The following ROBO2 variants were observed in gnomAD, a reference collection of about 807,000 sequenced individuals.
ROBO2 encodes roundabout homolog 2.
Under a neutral mutation model 160.8 loss-of-function variants are expected in ROBO2, and 53 were observed. The observed-to-expected ratio is 0.33, with a 90% CI of 0.26 to 0.41. The LOEUF is 0.41. Ranked by LOEUF, ROBO2 falls within the 10% of genes least tolerant of loss-of-function variation. ROBO2 has a pLI of 1.00. For synonymous variants in ROBO2, 664 were observed against 611.7 expected, an observed-to-expected ratio of 1.09 and a Z score of -1.26; for missense variants, 1,577 against 1,722.4, an observed-to-expected ratio of 0.92 and a Z score of 1.49.
chr3:76,599,168 C>A (rs1014424876), intron 2 of ROBO2, among the ~76,000 whole-genome samples: 1 of 152,134 alleles, frequency 6.6e-6, no homozygotes, highest in Non-Finnish European at 1.5e-5. Context: ...TATTTCATCA[C>A]CCATGTACTA....
chr3:76,797,185 C>A (rs921139208), intron 2 of ROBO2, among the ~76,000 whole-genome samples: 1 of 152,042 alleles, frequency 6.6e-6, no homozygotes, highest in South Asian at 2.1e-4. Flanking sequence ...CAAGAACAGA[C>A]CTTACATTAG....
At chr3:76,721,117 C>T (rs1332442495) in intron 2 of ROBO2, among the ~76,000 whole-genome samples, 1 of 152,118 alleles carries the variant, frequency 6.6e-6, no homozygotes, top group Non-Finnish European at 1.5e-5. Context: ...ACCTGTAGTA[C>T]AAATTATCAC....
intron 1 of ROBO2, among the ~76,000 whole-genome samples, chr3:75,923,733 TAA>T (rs1576155376): frequency 1.3e-5 from 2 of 152,148 alleles, no homozygotes; most frequent in East Asian, 3.9e-4. Flanking sequence ...AAATAGGACT[TAA>T]TATAAACAGT....
rs927820382 is a variant in ROBO2, at chr3:77,013,898, A to G, written c.110-84116A>G. Among the ~76,000 whole-genome samples the G allele has an allele frequency of 2.0e-5, 3 of 152,260 alleles. No homozygotes were observed. In the East Asian group the frequency reaches 5.8e-4, roughly 29 times the overall value. ...TTAACTTCCTTTTAGTGAGGTCTGT[A>G]CAAATACTTTCAAAATCATTACAGT... On this transcript the variant is annotated intron_variant, in intron 2 of 26. Coordinates refer to the ROBO2 transcript ENST00000487694.
In ROBO2 at chr3:76,829,976, A is replaced by G. The variant is rs959015730; in HGVS notation, c.110-268038A>G. The stretch of plus-strand genomic sequence containing the variant: ...AGCCACCGTACCCAGCCTAGATGCT[A>G]TGTTTTTTAAGGCACCATCTTCAGC... On this transcript the variant is annotated intron_variant, in intron 2 of 26. Coordinates refer to the ROBO2 transcript ENST00000487694. Among the ~76,000 whole-genome samples, 3 of 152,122 alleles carry G rather than the reference A, an allele frequency of 2.0e-5. No homozygotes were observed. In the South Asian group the frequency reaches 6.2e-4, roughly 31 times the overall value.
In ROBO2 at chr3:76,111,694, C is replaced by G. The variant is rs1373141955; in HGVS notation, c.109+174092C>G. Among the ~76,000 whole-genome samples, 4 of 152,060 alleles carry G rather than the reference C, an allele frequency of 2.6e-5. No individual in the cohort carries two copies. In the East Asian group the frequency reaches 5.8e-4, roughly 22 times the overall value. The stretch of plus-strand genomic sequence containing the variant: ...AATATAGCTGTCCTGAAGAGACCCT[C>G]CATGAGACTCTACTCTGCTGTTACC... On this transcript the variant is annotated intron_variant, in intron 2 of 26. Transcript: ENST00000487694.
intron 2 of ROBO2, among the ~76,000 whole-genome samples, chr3:76,095,749 GACACACACACACACACACACACAC>G (rs59290141): frequency 2.7e-5 from 4 of 148,052 alleles, no homozygotes; most frequent in Admixed American, 6.8e-5. Flanking sequence ...TAGTATGCTT[GACACACACACACACACACACACAC>G]ACACACACAC....
At chr3:76,954,899 G>A (rs1343552476) in intron 2 of ROBO2, among the ~76,000 whole-genome samples, 1 of 152,096 alleles carries the variant, frequency 6.6e-6, no homozygotes, top group African/African-American at 2.4e-5. Context: ...ATCATTTTAA[G>A]TGTACAATAC....
At chr3:77,392,996 A>G (rs1225299368) in intron 2 of ROBO2, among the ~76,000 whole-genome samples, 2 of 152,108 alleles carry the variant, frequency 1.3e-5, no homozygotes, top group Non-Finnish European at 2.9e-5. Flanking sequence ...GAAGACTGTA[A>G]TCACATTTTA....
At chr3:75,992,720 C>T (rs987456603) in intron 2 of ROBO2, among the ~76,000 whole-genome samples, 3 of 152,168 alleles carry the variant, frequency 2.0e-5, no homozygotes, top group African/African-American at 7.2e-5. Flanking sequence ...GGAAAAGCCA[C>T]AGGCACTCAA....
chr3:77,381,762 C>A (rs1457256244), intron 2 of ROBO2, among the ~76,000 whole-genome samples: 3 of 152,206 alleles, frequency 2.0e-5, no homozygotes, highest in African/African-American at 7.2e-5. Flanking sequence ...CATATATCCA[C>A]ATATGTGAGC....
intron 2 of ROBO2, among the ~76,000 whole-genome samples, chr3:77,190,766 G>A (rs1281987976): frequency 7.9e-5 from 12 of 151,990 alleles, no homozygotes; most frequent in Non-Finnish European, 1.5e-5. Context: ...GGTCTATGAG[G>A]AATGTGAAGT....
chr3:75,970,328 G>A (rs1403734779), intron 2 of ROBO2, among the ~76,000 whole-genome samples: 2 of 151,528 alleles, frequency 1.3e-5, no homozygotes, highest in East Asian at 2.0e-4. Flanking sequence ...TAAGGAGCAA[G>A]CACATTTTTG....
chr3:75,919,397 G>A (rs748403672), intron 1 of ROBO2, among the ~76,000 whole-genome samples: 12 of 152,116 alleles, frequency 7.9e-5, no homozygotes, highest in African/African-American at 2.7e-4. Flanking sequence ...CAACTTGATC[G>A]TGGTGGATAA....
At chr3:76,156,783 A>G (rs1328833449) in intron 2 of ROBO2, among the ~76,000 whole-genome samples, 4 of 152,220 alleles carry the variant, frequency 2.6e-5, no homozygotes, top group Non-Finnish European at 4.4e-5. Context: ...GCCTGCCAAC[A>G]TGGTGAAACC....
intron 6 of ROBO2, among the ~76,000 whole-genome samples, chr3:77,532,740 T>C (rs920803763): frequency 6.6e-6 from 1 of 151,882 alleles, no homozygotes; most frequent in African/African-American, 2.4e-5. Flanking sequence ...TTTTTTGTTA[T>C]TTTCTTGTTA....
intron 2 of ROBO2, among the ~76,000 whole-genome samples, chr3:76,643,422 G>A (rs371986874): frequency 1.6e-4 from 24 of 152,196 alleles, no homozygotes; most frequent in African/African-American, 2.9e-4. Context: ...AAGAAATATC[G>A]TTTTTGATGA....
chr3:76,118,350 C>T (rs1015559188), intron 2 of ROBO2, among the ~76,000 whole-genome samples: 2 of 152,160 alleles, frequency 1.3e-5, no homozygotes, highest in South Asian at 2.1e-4. Context: ...ATGTGTCCAA[C>T]TGTTATCTGT....
At chr3:77,218,056 G>A (rs1041007986) in intron 2 of ROBO2, among the ~76,000 whole-genome samples, 1 of 152,122 alleles carries the variant, frequency 6.6e-6, no homozygotes, top group Admixed American at 6.5e-5. Context: ...AAATCTATAT[G>A]CATTTCCCAA....
Sources: gnomAD v4.1 joint callset for allele counts (sites outside exome capture counted in the v4.1 genomes callset) on GRCh38, gnomAD v4.1.1 for gene constraint, MANE v1.5 for transcripts, NCBI Gene and HGNC (gene_info 2026-07-23, HGNC 2026-07-21) for gene names.